The following NDUFA10 variants were observed in gnomAD, a reference collection of about 807,000 sequenced individuals.
The protein encoded by NDUFA10 is NADH:ubiquinone oxidoreductase subunit A10, also known as NADH dehydrogenase [ubiquinone] 1 alpha subcomplex subunit 10, mitochondrial.
In NDUFA10, 40 loss-of-function variants were observed where a neutral mutation model predicts 47.8. That is an observed-to-expected ratio of 0.84 (90% CI 0.65 to 1.09). NDUFA10 has a LOEUF of 1.09. Ranked by LOEUF, NDUFA10 falls within the 50% of genes least tolerant of loss-of-function variation. NDUFA10 has a pLI of 0.00. For missense variants in NDUFA10, 413 were observed against 451.1 expected, an observed-to-expected ratio of 0.92 and a Z score of 0.76; for synonymous variants, 183 against 172.2, an observed-to-expected ratio of 1.06 and a Z score of -0.49.
At chr2:240,003,697 T>G (rs990675804) in intron 8 of NDUFA10, among the ~76,000 whole-genome samples, 1 of 152,214 alleles carries the variant, frequency 6.6e-6, no homozygotes, top group Non-Finnish European at 1.5e-5. Context: ...GAAATCAAAG[T>G]CACTCACTCC....
chr2:239,949,763 C>G (rs1048626990), intron 4 of NDUFA10, among the ~76,000 whole-genome samples: 5 of 152,188 alleles, frequency 3.3e-5, no homozygotes, highest in African/African-American at 1.2e-4. Flanking sequence ...ATTACAGGCG[C>G]GAGCCACCAT....
chr2:239,927,253 T>C (rs1389746611), intron 4 of NDUFA10, among the ~76,000 whole-genome samples: 1 of 152,170 alleles, frequency 6.6e-6, no homozygotes, highest in Non-Finnish European at 1.5e-5. Flanking sequence ...AGAATAAGGA[T>C]ATGAAGAAAG....
rs1457664175 is a variant in NDUFA10, at chr2:239,958,748, A to G, written c.*2370T>C. 5.1e-6 allele frequency: 1 copy of G among 195,896 alleles called. No homozygotes were observed. Among genetic ancestry groups the G allele is most frequent in the Non-Finnish European group, 9.3e-6 (1 of 108,000 alleles). 12.1% of individuals were successfully genotyped at this position (195,896 alleles called of 1,614,324 possible). On this transcript the variant is annotated 3_prime_UTR_variant, in exon 10 of 10. Coordinates refer to ENST00000252711, the MANE Select transcript of NDUFA10 (RefSeq NM_004544.4). The stretch of plus-strand genomic sequence containing the variant: ...TTAACAGTTGATGGAACAGAAAGAT[A>G]CGTTAGAAAAAAACAAGGACTTTCT...
chr2:239,949,347 A>T (rs62185251), intron 4 of NDUFA10, among the ~76,000 whole-genome samples: 83,236 of 151,866 alleles, frequency 0.55, 22,985 homozygotes, highest in East Asian at 0.67. Flanking sequence ...TGGTCAAACA[A>T]GATTTTTGGG....
intron 4 of NDUFA10, among the ~76,000 whole-genome samples, chr2:239,913,154 C>T (rs1319954826): frequency 6.6e-6 from 1 of 152,224 alleles, no homozygotes; most frequent in Non-Finnish European, 1.5e-5. Flanking sequence ...TGAACCATGC[C>T]CAGCCTTCTT....
intron 9 of NDUFA10, among the ~76,000 whole-genome samples, chr2:239,962,850 A>G (rs1420257692): frequency 6.6e-6 from 1 of 152,032 alleles, no homozygotes; most frequent in East Asian, 1.9e-4. Flanking sequence ...GGGAGCTGCC[A>G]TATACTTTAA....
At chr2:239,910,730 G>GA (rs144628561) in intron 4 of NDUFA10, among the ~76,000 whole-genome samples, 4,816 of 151,902 alleles carry the variant, frequency 0.032, 182 homozygotes, top group East Asian at 0.12. Flanking sequence ...GAAAGTGGAA[G>GA]AAAAAAATAA....
rs1696900061 is a variant in NDUFA10 at position 240,005,237 on chromosome 2, T to C, written c.863A>G (p.Asn288Ser). The C allele has an allele frequency of 2.5e-6, 4 of 1,614,150 alleles. No individual in the cohort carries two copies. The highest frequency in any genetic ancestry group is 3.4e-6 in the Non-Finnish European group (4 of 1,180,008). The change falls in exon 8 of 10, where the codon AAT becomes AGT. Residue 288 changes from asparagine to serine, a missense_variant. Physicochemically the swap from Asn to Ser is conservative, Grantham distance 46. Transcript: ENST00000252711. ...TAATCGCAGGTGGTATAAAGTGCGA[T>C]TGTCCTGCTTGAGCCACGGCCCTTT... ...FDKGPWLKQD[N>S]RTLYHLRLLV...
rs1424315252 is a variant in NDUFA10, at chr2:239,960,384, A to G, written c.*734T>C. 3.0e-6 allele frequency: 3 copies of G among 985,938 alleles called. No individual in the cohort carries two copies. The East Asian group carries it at 3.4e-4, about 112-fold the overall frequency. The allele number at this position is 985,938 out of a possible 1,614,324, so 61.1% of individuals were successfully genotyped here. A position where few individuals can be genotyped will look rare whatever the true frequency, so the allele number is the denominator to read the frequency against. ...TGATTTTCTGGGTAATAAAGAGAGT[A>G]TATTATTTTGCTTTTGCATCTTATG... On this transcript the variant is annotated 3_prime_UTR_variant, in exon 10 of 10. Coordinates refer to ENST00000252711, the MANE Select transcript of NDUFA10 (RefSeq NM_004544.4).
In NDUFA10 at chr2:239,938,463, T is replaced by C. The variant is rs887371325; in HGVS notation, c.295-43149A>G. Among the ~76,000 whole-genome samples the C allele has an allele frequency of 2.0e-5, 3 of 152,240 alleles. No individual in the cohort carries two copies. The East Asian group carries it at 5.8e-4, about 29-fold the overall frequency. On this transcript the variant is annotated intron_variant, in intron 4 of 5. Transcript: ENST00000419408. ...TGCAATAGGTCAGTTGCTTCCTGGT[T>C]TGTCAGAGGCTGTATGATCAATGGA...
intron 9 of NDUFA10, chr2:239,983,769 C>T: frequency 3.9e-6 from 6 of 1,530,210 alleles, no homozygotes; most frequent in Non-Finnish European, 5.3e-6. Context: ...CAAAATACCT[C>T]ACCAGCACTC....
downstream of NDUFA10, among the ~76,000 whole-genome samples, chr2:239,955,082 A>C (rs138516759): frequency 3.9e-5 from 6 of 152,172 alleles, no homozygotes; most frequent in African/African-American, 1.4e-4. Context: ...GGCACATACC[A>C]TGTTCTTCTC....
rs1355270410 is a variant in NDUFA10, at chr2:240,018,727, TAAC to T, written c.461-91_461-89del. On this transcript the variant is annotated intron_variant, in intron 3 of 9. Coordinates refer to ENST00000252711, the MANE Select transcript of NDUFA10 (RefSeq NM_004544.4). ...TCACTGCATTCCAGAGAAAAGAAAATAACAATCATTTACAATTCCATTTCCACA... is the reference window on the plus strand; with the variant it reads ...TCACTGCATTCCAGAGAAAAGAAAATAATCATTTACAATTCCATTTCCACA... 13 of 1,340,850 alleles carry T rather than the reference TAAC, an allele frequency of 9.7e-6. No individual in the cohort carries two copies. In the African/African-American group the frequency reaches 1.9e-4, roughly 19 times the overall value. The allele number at this position is 1,340,850 out of a possible 1,614,324, so 83.1% of individuals were successfully genotyped here. A position where few individuals can be genotyped will look rare whatever the true frequency, so the allele number is the denominator to read the frequency against.
intron 5 of NDUFA10, among the ~76,000 whole-genome samples, chr2:239,893,635 A>T (rs532465665): frequency 6.6e-6 from 1 of 152,274 alleles, no homozygotes; most frequent in African/African-American, 2.4e-5. Flanking sequence ...GCCCTGCTCA[A>T]GCCCTTCCAT....
chr2:239,954,350 C>T (rs539727185), downstream of NDUFA10, among the ~76,000 whole-genome samples: 143 of 152,362 alleles, frequency 9.4e-4, no homozygotes, highest in African/African-American at 3.0e-3. Flanking sequence ...CCCTGACGGT[C>T]GGGCTGTGAC....
chr2:240,020,468 C>T (rs1053166580), intron 3 of NDUFA10, among the ~76,000 whole-genome samples: 1 of 152,226 alleles, frequency 6.6e-6, no homozygotes, highest in Non-Finnish European at 1.5e-5. Flanking sequence ...GGATGTCTAG[C>T]ATGCACTGCT....
At chr2:239,929,528 A>G (rs543793871) in intron 4 of NDUFA10, among the ~76,000 whole-genome samples, 3 of 152,274 alleles carry the variant, frequency 2.0e-5, no homozygotes, top group African/African-American at 7.2e-5. Flanking sequence ...GTGGGAGGCT[A>G]GTGCACCTCA....
intron 8 of NDUFA10, among the ~76,000 whole-genome samples, chr2:239,991,769 A>G (rs1216747797): frequency 2.0e-5 from 3 of 152,252 alleles, no homozygotes; most frequent in Non-Finnish European, 4.4e-5. Context: ...TTCATATTTT[A>G]AATGTTAACA....
intron 9 of NDUFA10, among the ~76,000 whole-genome samples, chr2:239,974,774 A>G (rs1481991701): frequency 6.6e-6 from 1 of 151,592 alleles, no homozygotes; most frequent in Non-Finnish European, 1.5e-5. Context: ...GCCACCAAAG[A>G]TCTGGTCATT....
Sources: allele counts gnomAD v4.1 joint callset (sites outside exome capture counted in the v4.1 genomes callset), GRCh38; gene constraint gnomAD v4.1.1; transcripts MANE v1.5; gene names NCBI Gene and HGNC (gene_info 2026-07-23, HGNC 2026-07-21).